Variants in ARHGAP8 observed in about 807,000 individuals in gnomAD.
The protein encoded by ARHGAP8 is rho GTPase-activating protein 8.
In ARHGAP8, 62 loss-of-function variants were observed where a neutral mutation model predicts 46.1. The observed-to-expected ratio is 1.34, with a 90% confidence interval of 1.10 to 1.66. The LOEUF is 1.66. Among genes scored for constraint, ARHGAP8 ranks in the 40% most tolerant of loss-of-function variants. The probability of loss-of-function intolerance (pLI) is 0.00; values close to 1 mark genes in which losing one functional copy is unlikely to be tolerated. For missense variants in ARHGAP8, 923 were observed against 568.4 expected, an observed-to-expected ratio of 1.62 and a Z score of -6.34; for synonymous variants, 375 against 243.1, an observed-to-expected ratio of 1.54 and a Z score of -5.05.
intron 5 of ARHGAP8, 27 bp downstream of exon 5, chr22:44,814,785 C>T (rs761390747): frequency 1.2e-5 from 19 of 1,611,974 alleles, no homozygotes; most frequent in African/African-American, 5.3e-5. Flanking sequence ...GAGAGGACCT[C>T]GCTGGGGTTG....
chr22:44,860,936 TACA>T (rs967685562), intron 11 of ARHGAP8, among the ~76,000 whole-genome samples: 6 of 152,072 alleles, frequency 3.9e-5, no homozygotes, highest in Admixed American at 2.0e-4. Context: ...TTCTTGGTTT[TACA>T]ACAATTTTTT....
At chr22:44,785,268 A>C (rs12373955) in intron 1 of ARHGAP8, among the ~76,000 whole-genome samples, 12,248 of 152,158 alleles carry the variant, frequency 0.08, 519 homozygotes, top group Middle Eastern at 0.1. Context: ...TGGGACCTGA[A>C]TCTACCCATC....
intron 7 of ARHGAP8, among the ~76,000 whole-genome samples, chr22:44,840,693 G>T (rs1044263249): frequency 1.4e-4 from 21 of 152,268 alleles, no homozygotes; most frequent in Non-Finnish European, 2.5e-4. Flanking sequence ...TGGTTGGAAT[G>T]ATTTTTGTCA....
At chr22:44,801,247 T>C (rs868252274) in intron 2 of ARHGAP8, among the ~76,000 whole-genome samples, 2 of 94,878 alleles carry the variant, frequency 2.1e-5, no homozygotes, top group Non-Finnish European at 4.0e-5. Context: ...TGGGGGCGCC[T>C]CTCCCCGCAG....
intron 8 of ARHGAP8, 72 bp downstream of exon 8, chr22:44,845,414 G>A: frequency 6.2e-7 from 1 of 1,601,540 alleles, no homozygotes. Context: ...GTTTGTCTTG[G>A]ATCCTGAGCA....
chr22:44,791,463 G>C (rs922889128), intron 2 of ARHGAP8, among the ~76,000 whole-genome samples: 2 of 152,238 alleles, frequency 1.3e-5, no homozygotes, highest in South Asian at 2.1e-4. Flanking sequence ...CAGCACTTTG[G>C]GGGGATGAGT....
At chr22:44,858,931 G>T (rs2070330991) in intron 10 of ARHGAP8, among the ~76,000 whole-genome samples, 1 of 151,780 alleles carries the variant, frequency 6.6e-6, no homozygotes, top group African/African-American at 2.4e-5. Context: ...TGTAGTCTCT[G>T]TTGCAACTAC....
intron 2 of ARHGAP8, among the ~76,000 whole-genome samples, chr22:44,796,493 A>G (rs919169692): frequency 2.0e-5 from 3 of 152,000 alleles, no homozygotes; most frequent in African/African-American, 4.8e-5. Flanking sequence ...GGGGGGCTCT[A>G]AGACCTCCAG....
At chr22:44,858,532 G>GTTTTTTTTTT (rs1569184837) in intron 10 of ARHGAP8, among the ~76,000 whole-genome samples, 10 of 12,686 alleles carry the variant, frequency 7.9e-4, no homozygotes, top group Non-Finnish European at 1.2e-3. Flanking sequence ...ACCATACCCG[G>GTTTTTTTTTT]CTTTTTTTTT....
At chr22:44,813,123 G>A (rs1410701797) in intron 4 of ARHGAP8, among the ~76,000 whole-genome samples, 1 of 152,122 alleles carries the variant, frequency 6.6e-6, no homozygotes, top group Non-Finnish European at 1.5e-5. Flanking sequence ...GCTCCCTGTA[G>A]TGGAGAATGC....
chr22:44,753,209 G>T (rs1350023643), intron 1 of ARHGAP8, among the ~76,000 whole-genome samples: 1 of 151,166 alleles, frequency 6.6e-6, no homozygotes, highest in Non-Finnish European at 1.5e-5. Flanking sequence ...AACCCCCCGG[G>T]AGTTAAAAGC....
intron 1 of ARHGAP8, among the ~76,000 whole-genome samples, chr22:44,774,584 A>G (rs1926280983): frequency 7.1e-6 from 1 of 140,108 alleles, no homozygotes; most frequent in African/African-American, 2.7e-5. Context: ...GTGCAATGGC[A>G]CAGTCTTGGC....
intron 2 of ARHGAP8, among the ~76,000 whole-genome samples, chr22:44,796,487 G>T (rs1240249053): frequency 7.9e-5 from 12 of 152,060 alleles, no homozygotes. Flanking sequence ...GGGGGTGGGG[G>T]GCTCTAAGAC....
At chr22:44,857,630 C>T (rs550618371) in intron 10 of ARHGAP8, among the ~76,000 whole-genome samples, 79 of 152,176 alleles carry the variant, frequency 5.2e-4, no homozygotes, top group African/African-American at 1.7e-3. Context: ...GGGGACATGC[C>T]ATCTTCAGAG....
chr22:44,761,579 A>G (rs1234053732), intron 1 of ARHGAP8, among the ~76,000 whole-genome samples: 4 of 152,188 alleles, frequency 2.6e-5, no homozygotes, highest in Non-Finnish European at 4.4e-5. Flanking sequence ...ATCTGCCAGG[A>G]GTCCTGGAAT....
In ARHGAP8 at chr22:44,764,064, G is replaced by A. The variant is rs374020201; in HGVS notation, c.-72+11437G>A. ...CCTGACCTCATGATCCGCCCACCTC[G>A]GCCTCCCAAAGTGCTGGGATTACAG... is the stretch of plus-strand genomic sequence containing the variant. On this transcript the variant is annotated intron_variant, in intron 1 of 11. Transcript: ENST00000356099. Among the ~76,000 whole-genome samples, 3 of 152,042 alleles carry A rather than the reference G, an allele frequency of 2.0e-5. No homozygotes were observed. The South Asian group carries it at 6.2e-4, about 32-fold the overall frequency.
intron 2 of ARHGAP8, among the ~76,000 whole-genome samples, chr22:44,799,741 C>T (rs1928346202): frequency 6.7e-6 from 1 of 150,242 alleles, no homozygotes; most frequent in Non-Finnish European, 1.5e-5. Flanking sequence ...GCTGTGGGTT[C>T]TGGGAAGCGG....
At chr22:44,831,592 C>A (rs11090705) in intron 7 of ARHGAP8, among the ~76,000 whole-genome samples, 3 of 151,902 alleles carry the variant, frequency 2.0e-5, no homozygotes, top group African/African-American at 7.3e-5. Context: ...CCAGCTACTC[C>A]GGGGACTGAG....
intron 5 of ARHGAP8, among the ~76,000 whole-genome samples, chr22:44,818,409 A>G (rs1468708513): frequency 6.7e-6 from 1 of 148,710 alleles, no homozygotes; most frequent in Non-Finnish European, 1.5e-5. Flanking sequence ...AGATCACACC[A>G]TTGCACTCCA....
Sources: gnomAD v4.1 joint callset for allele counts (sites outside exome capture counted in the v4.1 genomes callset) on GRCh38, gnomAD v4.1.1 for gene constraint, MANE v1.5 for transcripts, NCBI Gene and HGNC (gene_info 2026-07-23, HGNC 2026-07-21) for gene names.